Variants in UBTD2 observed in about 807,000 individuals in gnomAD.
UBTD2 encodes the protein ubiquitin domain containing 2, also known as ubiquitin domain-containing protein 2.
A neutral mutation model predicts 19.8 loss-of-function variants in UBTD2; 9 were observed. The ratio of observed to expected loss-of-function variants is 0.46; its 90% CI spans 0.27 to 0.79. The LOEUF (loss-of-function observed/expected upper bound fraction) is 0.79, where lower values mean the gene tolerates loss of function less well. Among genes scored for constraint, UBTD2 ranks in the 30% least tolerant of loss-of-function variants. The pLI is 0.14. For synonymous variants in UBTD2, 98 were observed against 103.9 expected (o/e 0.94, Z 0.35); for missense variants, 250 against 300.4 (o/e 0.83, Z 1.24).
chr5:172,211,757 G>A lies in UBTD2; in HGVS notation c.*73C>T, dbSNP rs1264589647. On this transcript the variant is annotated 3_prime_UTR_variant, in exon 3 of 3. Transcript: ENST00000393792. Reference sequence around the variant, plus strand: ...AGAGCAGTGAAATAGATTTCACGCCGCAGAGTAGGAAATGACAACAAGAAC... The same window carrying A: ...AGAGCAGTGAAATAGATTTCACGCCACAGAGTAGGAAATGACAACAAGAAC... 18 of 1,453,030 alleles carry A rather than the reference G, an allele frequency of 1.2e-5. No individual in the cohort carries two copies. Among genetic ancestry groups the A allele is most frequent in the Admixed American group, 2.3e-5 (1 of 42,720 alleles). The allele number at this position is 1,453,030 out of a possible 1,614,324, so 90.0% of individuals were successfully genotyped here. A position where few individuals can be genotyped will look rare whatever the true frequency, so the allele number is the denominator to read the frequency against.
chr5:172,247,057 G>C (rs951086786), intron 1 of UBTD2, among the ~76,000 whole-genome samples: 1 of 151,840 alleles, frequency 6.6e-6, no homozygotes, highest in Admixed American at 6.6e-5. Flanking sequence ...TCCGGCCCAA[G>C]ATTGCAGTTT....
At chr5:172,216,591 CAAAAAAAAAAAAAAAAA>C (rs57657254) in intron 2 of UBTD2, among the ~76,000 whole-genome samples, 1 of 36,924 alleles carries the variant, frequency 2.7e-5, no homozygotes, top group Non-Finnish European at 5.2e-5. Context: ...CATCTCTACC[CAAAAAAAAAAAAAAAAA>C]AAAAAAAAAA....
chr5:172,283,787 G>T, upstream of UBTD2: 1 of 604,400 alleles, frequency 1.7e-6, no homozygotes, highest in Non-Finnish European at 2.1e-6. The surrounding 1 kb of genome is among the most constrained non-coding windows in gnomAD (Gnocchi z 4.3). Flanking sequence ...CCGCTCGCCC[G>T]CCGCGGCCCA....
intron 1 of UBTD2, among the ~76,000 whole-genome samples, chr5:172,256,221 CTCTAT>C (rs1755145805): frequency 6.6e-6 from 1 of 152,180 alleles, no homozygotes; most frequent in East Asian, 1.9e-4. Context: ...AGTAAAGCCA[CTCTAT>C]TAAGTCATAG....
intron 2 of UBTD2, among the ~76,000 whole-genome samples, chr5:172,228,448 C>T (rs570732818): frequency 6.6e-6 from 1 of 152,284 alleles, no homozygotes; most frequent in South Asian, 2.1e-4. Flanking sequence ...AGGGTGGGCA[C>T]AGTGGCTCAT....
chr5:172,267,729 AAAAT>A (rs1335077056), intron 1 of UBTD2, among the ~76,000 whole-genome samples: 1 of 152,212 alleles, frequency 6.6e-6, no homozygotes, highest in Non-Finnish European at 1.5e-5. Flanking sequence ...CCACACCATC[AAAAT>A]AAAATATAAA....
chr5:172,264,572 A>AC (rs201599841), intron 1 of UBTD2, among the ~76,000 whole-genome samples: 45,291 of 149,246 alleles, frequency 0.3, 7,035 homozygotes, highest in South Asian at 0.43. Flanking sequence ...AAAAAAAAAA[A>AC]AAAACAAAAC....
In UBTD2 at chr5:172,220,203, T is replaced by C. The variant is rs1029971683; in HGVS notation, c.308-7976A>G. Among the ~76,000 whole-genome samples the C allele has an allele frequency of 5.3e-5, 8 of 152,286 alleles. No individual in the cohort carries two copies. The East Asian group carries it at 5.8e-4, about 11-fold the overall frequency. ...TTTGAAAATCAATTAATATAATCCA[T>C]AATATCAATAGGCTAAAGAAGAAAA... On this transcript the variant is annotated intron_variant, in intron 2 of 2. Coordinates refer to ENST00000393792, the MANE Select transcript of UBTD2 (RefSeq NM_152277.3).
At chr5:172,273,801 C>T (rs955500042) in intron 1 of UBTD2, among the ~76,000 whole-genome samples, 5 of 151,954 alleles carry the variant, frequency 3.3e-5, no homozygotes, top group East Asian at 3.9e-4. Flanking sequence ...TAATATTTTC[C>T]GACTGTAGCT....
chr5:172,276,085 T>C (rs1361289400), intron 1 of UBTD2, among the ~76,000 whole-genome samples: 1 of 152,162 alleles, frequency 6.6e-6, no homozygotes, highest in East Asian at 1.9e-4. Flanking sequence ...AAAATGCAGA[T>C]TCTGTAGGTC....
intron 1 of UBTD2, chr5:172,255,272 G>C (rs908840111): frequency 2.2e-6 from 1 of 451,118 alleles, no homozygotes; most frequent in Non-Finnish European, 4.5e-6. Context: ...TGTATTCCAT[G>C]CCACAGGCCT....
In UBTD2 at chr5:172,242,485, T is replaced by C. The variant is rs779729869; in HGVS notation, c.71-8127A>G. 7.6e-6 allele frequency: 7 copies of C among 925,716 alleles called. No homozygotes were observed. The African/African-American group carries it at 1.2e-4, about 17-fold the overall frequency. 57.3% of individuals were successfully genotyped at this position (925,716 alleles called of 1,614,324 possible). A position where few individuals can be genotyped will look rare whatever the true frequency, so the allele number is the denominator to read the frequency against. ...TTGCCCTCCAGGGGATATACGGCAATGTGTGAAGACATTTTAACTTGTTCC... is the reference window on the plus strand; with the variant it reads ...TTGCCCTCCAGGGGATATACGGCAACGTGTGAAGACATTTTAACTTGTTCC... On this transcript the variant is annotated intron_variant, in intron 1 of 2. Transcript: ENST00000393792.
intron 1 of UBTD2, among the ~76,000 whole-genome samples, chr5:172,276,134 C>T (rs560741993): frequency 7.2e-5 from 11 of 152,142 alleles, no homozygotes; most frequent in South Asian, 2.1e-4. Context: ...AAGGTGATGC[C>T]GATATTGCTG....
chr5:172,227,142 A>T (rs938338409), intron 2 of UBTD2, among the ~76,000 whole-genome samples: 4 of 152,098 alleles, frequency 2.6e-5, no homozygotes, highest in African/African-American at 9.7e-5. Context: ...CCATGTAGAA[A>T]CCCTGTGTTC....
In UBTD2 at chr5:172,237,134, G is replaced by A. The variant is rs565880975; in HGVS notation, c.71-2776C>T. 1.1e-4 allele frequency among the ~76,000 whole-genome samples: 16 copies of A among 151,980 alleles called. No homozygotes were observed. The South Asian group carries it at 2.9e-3, about 28-fold the overall frequency. On this transcript the variant is annotated intron_variant, in intron 1 of 2. Coordinates refer to ENST00000393792, the MANE Select transcript of UBTD2 (RefSeq NM_152277.3). ...ACTTGAGACAGAGTCTTGCTCTGTC[G>A]CCAAGGCTGGAGTGCACTGGTGCAA...
At chr5:172,226,321 GA>G (rs150851407) in intron 2 of UBTD2, among the ~76,000 whole-genome samples, 2,275 of 152,244 alleles carry the variant, frequency 0.015, 62 homozygotes, top group African/African-American at 0.052. Flanking sequence ...AGATGTGACA[GA>G]AGGAACCATG....
chr5:172,216,748 C>G (rs767348408), intron 2 of UBTD2, among the ~76,000 whole-genome samples: 5 of 151,840 alleles, frequency 3.3e-5, no homozygotes, highest in African/African-American at 7.3e-5. Context: ...TTGAGATAGC[C>G]TGAGCTCAGG....
chr5:172,255,243 G>T, intron 1 of UBTD2: 1 of 457,922 alleles, frequency 2.2e-6, no homozygotes, highest in South Asian at 1.8e-5. Flanking sequence ...TGCTCACCAT[G>T]AAGTCCACTG....
chr5:172,262,632 C>A (rs1243286239), intron 1 of UBTD2, among the ~76,000 whole-genome samples: 1 of 151,338 alleles, frequency 6.6e-6, no homozygotes, highest in Non-Finnish European at 1.5e-5. Context: ...ACCAACAAGG[C>A]AAAACCCCAT....
Sources: gnomAD v4.1 joint callset for allele counts (sites outside exome capture counted in the v4.1 genomes callset) on GRCh38, gnomAD v4.1.1 for gene constraint, Gnocchi (gnomAD v3.1) non-coding constraint, MANE v1.5 for transcripts, NCBI Gene and HGNC (gene_info 2026-07-23, HGNC 2026-07-21) for gene names.